LYRM4: variants seen among roughly 807,000 people sequenced by gnomAD.
LYRM4 encodes LYR motif containing 4, also known as LYR motif-containing protein 4.
A neutral mutation model predicts 11.7 loss-of-function variants in LYRM4; 9 were observed. The observed-to-expected ratio is 0.77, with a 90% CI of 0.46 to 1.34. The LOEUF (loss-of-function observed/expected upper bound fraction) is 1.34, where lower values mean the gene tolerates loss of function less well. Among genes scored for constraint, LYRM4 ranks in the 40% most tolerant of loss-of-function variants. The pLI, the probability that LYRM4 is intolerant of heterozygous loss-of-function variation, is 0.00. For missense variants in LYRM4, 133 were observed against 112.5 expected, an observed-to-expected ratio of 1.18 and a Z score of -0.82; for synonymous variants, 42 against 40.4, an observed-to-expected ratio of 1.04 and a Z score of -0.15.
chr6:5,085,407 C>T, the LYRM4 span: 4 of 1,080,082 alleles, frequency 3.7e-6, no homozygotes, highest in East Asian at 2.7e-5. Flanking sequence ...GCCCTGCGCT[C>T]CTTCCACGGC....
chr6:5,168,755 T>C (rs764824164), intron 2 of LYRM4, among the ~76,000 whole-genome samples: 186 of 152,294 alleles, frequency 1.2e-3, no homozygotes, highest in Non-Finnish European at 2.0e-3. Context: ...ATAAATGTCT[T>C]GGGTGTGACA....
intron 2 of LYRM4, among the ~76,000 whole-genome samples, chr6:5,187,337 A>G (rs1287668119): frequency 1.3e-5 from 2 of 152,252 alleles, no homozygotes; most frequent in African/African-American, 4.8e-5. Flanking sequence ...TCACAAAGAC[A>G]CACATATCAG....
rs1002390187 is a variant in LYRM4, at chr6:5,108,447, C to T, written c.*976G>A. On this transcript the variant is annotated 3_prime_UTR_variant, in exon 3 of 3. Coordinates refer to ENST00000330636, the MANE Select transcript of LYRM4 (RefSeq NM_020408.6). The stretch of plus-strand genomic sequence containing the variant: ...AAGCATACAAACAATATCTTTATTA[C>T]CTGTAATATACTTAAAGAGCAGGGG... 88 of 976,794 alleles carry T rather than the reference C, an allele frequency of 9.0e-5. 1 individual carries two copies. In the South Asian group the frequency reaches 1.8e-3, roughly 20 times the overall value. The allele number at this position is 976,794 out of a possible 1,614,324, so 60.5% of individuals were successfully genotyped here. A position where few individuals can be genotyped will look rare whatever the true frequency, so the allele number is the denominator to read the frequency against.
chr6:5,194,168 T>G (rs1760920813), intron 2 of LYRM4, among the ~76,000 whole-genome samples: 1 of 151,970 alleles, frequency 6.6e-6, no homozygotes, highest in Non-Finnish European at 1.5e-5. Context: ...TAATTAACAG[T>G]CAGCTTCATA....
the LYRM4 span, among the ~76,000 whole-genome samples, chr6:5,037,562 C>A: frequency 1.8e-4 from 12 of 67,274 alleles, no homozygotes; most frequent in South Asian, 1.3e-3. Context: ...GGCAGAGGGG[C>A]TCCTCACTTC....
chr6:5,057,585 G>A, the LYRM4 span, among the ~76,000 whole-genome samples: 1 of 152,054 alleles, frequency 6.6e-6, no homozygotes, highest in Non-Finnish European at 1.5e-5. Context: ...CAGGTATGAT[G>A]GCGCCTGTAA....
chr6:5,144,366 G>A (rs755173786), intron 2 of LYRM4: 13 of 1,317,014 alleles, frequency 9.9e-6, no homozygotes, highest in African/African-American at 1.5e-5. Flanking sequence ...GGCCGGGTGC[G>A]GTGGCTGAAG....
At chr6:5,220,069 C>T (rs1762496247) in intron 1 of LYRM4, among the ~76,000 whole-genome samples, 1 of 152,190 alleles carries the variant, frequency 6.6e-6, no homozygotes, top group South Asian at 2.1e-4. Context: ...CTTTCCTTCT[C>T]CACCCCAGCC....
chr6:5,191,437 A>C (rs969517742), intron 2 of LYRM4, among the ~76,000 whole-genome samples: 4 of 152,224 alleles, frequency 2.6e-5, no homozygotes, highest in Non-Finnish European at 4.4e-5. Context: ...TCTGAGAAGT[A>C]TATGACTCAA....
Position 5,260,617 on chromosome 6 carries a change from CGCCCCCGGCCCCCG to C in LYRM4, c.86+17_86+30del. 1 of 1,491,604 alleles carries C rather than the reference CGCCCCCGGCCCCCG, an allele frequency of 6.7e-7. No individual in the cohort carries two copies. Among genetic ancestry groups the C allele is most frequent in the Non-Finnish European group, 8.9e-7 (1 of 1,118,564 alleles). 92.4% of individuals were successfully genotyped at this position (1,491,604 alleles called of 1,614,324 possible). On this transcript the variant is annotated intron_variant, in intron 1 of 2. Coordinates refer to ENST00000330636, the MANE Select transcript of LYRM4 (RefSeq NM_020408.6). ...CCCCGGTCCCCGGCCCCTGGCCCCCCGCCCCCGGCCCCCGGTGCCCGCTGGGTCACCTGTAATTG... is the reference window on the plus strand; with the variant it reads ...CCCCGGTCCCCGGCCCCTGGCCCCCCGTGCCCGCTGGGTCACCTGTAATTG...
downstream of LYRM4, chr6:5,105,044 CTT>C (rs1291131957): frequency 2.0e-5 from 3 of 152,224 alleles, 1 homozygote. Flanking sequence ...TCTGCCTACT[CTT>C]TGGTTTGCTA....
chr6:5,142,354 CA>C (rs146543041), intron 2 of LYRM4, among the ~76,000 whole-genome samples: 16,178 of 152,194 alleles, frequency 0.11, 965 homozygotes, highest in South Asian at 0.23. Context: ...TCCTGGCTCA[CA>C]ACTAGCATCA....
intron 1 of LYRM4, among the ~76,000 whole-genome samples, chr6:5,234,091 GT>G (rs1309020854): frequency 6.6e-6 from 1 of 152,124 alleles, no homozygotes; most frequent in Non-Finnish European, 1.5e-5. Context: ...TCTGAAAACA[GT>G]CTATACAATG....
chr6:5,239,735 C>T, intron 1 of LYRM4, among the ~76,000 whole-genome samples: 1 of 152,152 alleles, frequency 6.6e-6, no homozygotes, highest in Admixed American at 6.5e-5. Flanking sequence ...ACAGACCATT[C>T]CCACCAGCTG....
At chr6:5,081,765 T>G in the LYRM4 span, among the ~76,000 whole-genome samples, 1 of 152,240 alleles carries the variant, frequency 6.6e-6, no homozygotes, top group Non-Finnish European at 1.5e-5. Flanking sequence ...AAAGAGTCCC[T>G]TTTGATCACA....
chr6:5,253,546 C>T (rs1764527706), intron 1 of LYRM4, among the ~76,000 whole-genome samples: 2 of 152,074 alleles, frequency 1.3e-5, no homozygotes, highest in Admixed American at 6.5e-5. Context: ...CAAAAAGCTG[C>T]AGCGACAACT....
the LYRM4 span, chr6:5,067,020 G>A: frequency 4.1e-5 from 23 of 565,006 alleles, no homozygotes; most frequent in Non-Finnish European, 5.5e-5. Context: ...GATTACCGGG[G>A]GTTGCTACTG....
At chr6:5,074,394 G>C in the LYRM4 span, among the ~76,000 whole-genome samples, 1 of 128,252 alleles carries the variant, frequency 7.8e-6, no homozygotes. Flanking sequence ...AGAAGCACAG[G>C]TACTTTTTTT....
At chr6:5,241,172 A>G (rs1002156025) in intron 1 of LYRM4, among the ~76,000 whole-genome samples, 3 of 152,226 alleles carry the variant, frequency 2.0e-5, no homozygotes, top group African/African-American at 4.8e-5. Context: ...TGTCCGGCCC[A>G]TGGGAGATGG....
Sources: gnomAD v4.1 joint callset for allele counts (sites outside exome capture counted in the v4.1 genomes callset) on GRCh38, gnomAD v4.1.1 for gene constraint, MANE v1.5 for transcripts, NCBI Gene and HGNC (gene_info 2026-07-23, HGNC 2026-07-21) for gene names.